ADAMTS18: variants seen among roughly 807,000 people sequenced by gnomAD.
ADAMTS18 encodes the protein ADAM metallopeptidase with thrombospondin type 1 motif 18.
ADAMTS18 carries 157 observed loss-of-function variants against 165.9 expected under a neutral mutation model. The ratio of observed to expected loss-of-function variants is 0.95; its 90% CI spans 0.83 to 1.08. The LOEUF (loss-of-function observed/expected upper bound fraction) is 1.08. Ranked by LOEUF, ADAMTS18 falls within the 50% of genes least tolerant of loss-of-function variation. ADAMTS18 has a pLI of 0.00. For synonymous variants in ADAMTS18, 782 were observed against 578.2 expected (o/e 1.35, Z -5.06); for missense variants, 2,040 against 1,534.0 (o/e 1.33, Z -5.51).
In ADAMTS18 at chr16:77,341,616, C is replaced by T. The variant is rs2056398615; in HGVS notation, c.1710+88G>A. On this transcript the variant is annotated intron_variant, in intron 11 of 22. Transcript: ENST00000282849. ...AGTCAGAGAATATAAACTACCAAAG[C>T]ATTCACCCTAAGGTCACAATACAAA... 3 of 1,024,738 alleles carry T rather than the reference C, an allele frequency of 2.9e-6. No individual in the cohort carries two copies. In the Admixed American group the frequency reaches 5.8e-5, roughly 20 times the overall value. The allele number at this position is 1,024,738 out of a possible 1,614,324, so 63.5% of individuals were successfully genotyped here.
chr16:77,293,137 C>A lies in ADAMTS18; in HGVS notation c.3128G>T (p.Cys1043Phe). Residue 1043 changes from cysteine (C) to phenylalanine (F), a missense_variant, in exon 20 of 23, where the codon TGT (cysteine) becomes TTT (phenylalanine). Transcript: ENST00000282849. The part of the protein sequence containing the change: ...SLPRPELQEG[C>F]VLGRCPKNSR... ...GTTCTTGGGGCATCGTCCAAGCACA[C>A]AGCCCTCCTGCAGCTCAGGTCTGGG... 6.2e-7 allele frequency: 1 copy of A among 1,614,092 alleles called. No individual in the cohort carries two copies. The highest frequency in any genetic ancestry group is 2.2e-5 in the East Asian group (1 of 44,866).
intron 20 of ADAMTS18, among the ~76,000 whole-genome samples, chr16:77,292,673 C>A (rs575476786): frequency 6.6e-6 from 1 of 152,306 alleles, no homozygotes; most frequent in African/African-American, 2.4e-5. Flanking sequence ...TAGGCTTGAT[C>A]AATGTGGGGG....
chr16:77,360,583 A>ACATCAG (rs1196478981), intron 7 of ADAMTS18, among the ~76,000 whole-genome samples: 1 of 151,868 alleles, frequency 6.6e-6, no homozygotes, highest in African/African-American at 2.4e-5. Flanking sequence ...TCTCTTGAAA[A>ACATCAG]CAATGCACTG....
intron 12 of ADAMTS18, among the ~76,000 whole-genome samples, chr16:77,328,015 G>A (rs1048208594): frequency 6.6e-6 from 1 of 152,118 alleles, no homozygotes; most frequent in Non-Finnish European, 1.5e-5. Flanking sequence ...GTTTTCATCA[G>A]CATAGTCACT....
intron 18 of ADAMTS18, among the ~76,000 whole-genome samples, 177 bp downstream of exon 18, chr16:77,297,112 G>T (rs2055488245): frequency 6.6e-6 from 1 of 152,120 alleles, no homozygotes. Context: ...AAGTAGCTAG[G>T]ACCACACACG....
intron 17 of ADAMTS18, 40 bp downstream of exon 17, chr16:77,300,223 G>A (rs933985855): frequency 6.2e-7 from 1 of 1,612,884 alleles, no homozygotes. Context: ...CCTGTTTTAA[G>A]AGAGACAGAC....
Position 77,378,364 on chromosome 16 carries a change from A to ACC in ADAMTS18, c.496-10643_496-10642dup, listed in dbSNP as rs1597197368. ...ACAAAAAAAAACAAAAAAAAAAAAAACCAAGCCCTTTACTTAGATGATTTT... is the reference window on the plus strand; with the variant it reads ...ACAAAAAAAAACAAAAAAAAAAAAAACCCCAAGCCCTTTACTTAGATGATTTT... On this transcript the variant is annotated intron_variant, in intron 3 of 22. Transcript: ENST00000282849. 3.4e-5 allele frequency among the ~76,000 whole-genome samples: 5 copies of ACC among 147,878 alleles called. No individual in the cohort carries two copies. In the East Asian group the frequency reaches 9.8e-4, roughly 29 times the overall value.
Position 77,293,170 on chromosome 16 carries a change from G to C in ADAMTS18, c.3095C>G (p.Thr1032Ser), listed in dbSNP as rs1023239338. ...CTGCAGCTCAGGTCTGGGGAGACTG[G>C]TACACTGGCTCTCGGGGAGGGTTTC... ...AAETLPESQC[T>S]SLPRPELQEG... is the part of the protein sequence containing the mutation. The change falls in exon 20 of 23, where the codon ACC becomes AGC. Residue 1032 changes from threonine (T) to serine (S), a missense_variant. Coordinates refer to ENST00000282849, the MANE Select transcript of ADAMTS18 (RefSeq NM_199355.4). The C allele has an allele frequency of 9.3e-6, 15 of 1,613,906 alleles. No individual in the cohort carries two copies. Among genetic ancestry groups the C allele is most frequent in the Admixed American group, 1.7e-5 (1 of 59,994 alleles).
intron 3 of ADAMTS18, among the ~76,000 whole-genome samples, chr16:77,368,715 T>G (rs533029468): frequency 6.6e-6 from 1 of 152,288 alleles, no homozygotes; most frequent in Admixed American, 6.5e-5. Context: ...CTGGCCCATC[T>G]TGATTCACAG....
At chr16:77,433,937 A>AAACAAGGG (rs1310787444) in intron 2 of ADAMTS18, among the ~76,000 whole-genome samples, 1 of 152,146 alleles carries the variant, frequency 6.6e-6, no homozygotes, top group Non-Finnish European at 1.5e-5. Flanking sequence ...GACATCCGTA[A>AAACAAGGG]AACAAGGGAA....
rs150077175 is a variant in ADAMTS18 at position 77,297,567 on chromosome 16, GC to G, written c.2675-153del. On this transcript the variant is annotated intron_variant, in intron 17 of 22. Transcript: ENST00000282849. ...GGAACGCTTCCTTTTGATGAAATTT[GC>G]AACTAATTTGAATTCCATTCCCCTC... The G allele has an allele frequency of 3.8e-3, 2,684 of 704,678 alleles. 68 individuals are homozygous for G. The African/African-American group carries it at 0.045, about 12-fold the overall frequency. 43.7% of individuals were successfully genotyped at this position (704,678 alleles called of 1,614,324 possible). A position where few individuals can be genotyped will look rare whatever the true frequency, so the allele number is the denominator to read the frequency against.
rs150595886 is a variant in ADAMTS18 at position 77,291,729 on chromosome 16, A to G, written c.3190-251T>C. 5.3e-4 allele frequency among the ~76,000 whole-genome samples: 81 copies of G among 152,330 alleles called. 1 individual carries two copies. The highest frequency in any genetic ancestry group is 9.3e-4 in the Non-Finnish European group (63 of 68,032). ...ACACAGATCATTAGCCTCATAAAGT[A>G]AAAAAGGAACCTTGGGATGCCACAT... On this transcript the variant is annotated intron_variant, in intron 20 of 22. Coordinates refer to ENST00000282849, the MANE Select transcript of ADAMTS18 (RefSeq NM_199355.4).
Position 77,283,896 on chromosome 16 carries a change from G to C in ADAMTS18, c.*60C>G. 1 of 1,319,434 alleles carries C rather than the reference G, an allele frequency of 7.6e-7. No homozygotes were observed. The highest frequency in any genetic ancestry group is 1.1e-6 in the Non-Finnish European group (1 of 913,218). 81.7% of individuals were successfully genotyped at this position (1,319,434 alleles called of 1,614,324 possible). ...CAGCTCCTGGTCTCAAAGGCAGCTG[G>C]TCTCTCTAGAGGTTGAAAGGTAAGC... On this transcript the variant is annotated 3_prime_UTR_variant, in exon 23 of 23. Coordinates refer to ENST00000282849, the MANE Select transcript of ADAMTS18 (RefSeq NM_199355.4).
intron 16 of ADAMTS18, among the ~76,000 whole-genome samples, chr16:77,317,419 T>C (rs1312213871): frequency 6.6e-6 from 1 of 152,108 alleles, no homozygotes; most frequent in East Asian, 1.9e-4. Flanking sequence ...CTGCAACCTG[T>C]GCCTCCCAGG....
chr16:77,283,858 G>T lies in ADAMTS18; in HGVS notation c.*98C>A. 2 of 926,390 alleles carry T rather than the reference G, an allele frequency of 2.2e-6. No individual in the cohort carries two copies. Among genetic ancestry groups the T allele is most frequent in the South Asian group, 2.7e-5 (2 of 75,026 alleles). 57.4% of individuals were successfully genotyped at this position (926,390 alleles called of 1,614,324 possible). The stretch of plus-strand genomic sequence containing the variant: ...TTCATCACAGCGGCAGCTCACAGAT[G>T]GTTCTCGGTGCTCAGCTCCTGGTCT... On this transcript the variant is annotated 3_prime_UTR_variant, in exon 23 of 23. Transcript: ENST00000282849.
At chr16:77,317,919 C>G (rs975265428) in intron 16 of ADAMTS18, among the ~76,000 whole-genome samples, 2 of 152,176 alleles carry the variant, frequency 1.3e-5, no homozygotes, top group East Asian at 3.9e-4. Context: ...TGAAAAATTG[C>G]CTTATTCATC....
intron 3 of ADAMTS18, among the ~76,000 whole-genome samples, chr16:77,409,922 C>CGT (rs1359847684): frequency 2.6e-5 from 4 of 151,984 alleles, no homozygotes; most frequent in African/African-American, 7.3e-5. Flanking sequence ...CTAATATTAC[C>CGT]GTACTAGAAT....
chr16:77,314,769 TATATATATATATATATAAAA>T lies in ADAMTS18; in HGVS notation c.2532+5060_2532+5079del, dbSNP rs2055854084. ...CTCAGGTTTCATATATATATATATA[TATATATATATATATATAAAA>T]TATATGTGATATGCTCAGAAGGCAA... is the stretch of plus-strand genomic sequence containing the variant. On this transcript the variant is annotated intron_variant, in intron 16 of 22. Transcript: ENST00000282849. Among the ~76,000 whole-genome samples, 3 of 88,562 alleles carry T rather than the reference TATATATATATATATATAAAA, an allele frequency of 3.4e-5. 1 individual carries two copies. In the Admixed American group the frequency reaches 3.4e-4, roughly 10 times the overall value. 58.1% of individuals were successfully genotyped at this position (88,562 alleles called of 152,430 possible). A position where few individuals can be genotyped will look rare whatever the true frequency, so the allele number is the denominator to read the frequency against.
At position 77,359,298 on chromosome 16, in the gene ADAMTS18, T is replaced by A. The variant is rs1165900562; in HGVS notation, c.1322+20A>T. 2 of 1,601,484 alleles carry A rather than the reference T, an allele frequency of 1.2e-6. No homozygotes were observed. The highest frequency in any genetic ancestry group is 1.7e-6 in the Non-Finnish European group (2 of 1,170,264). ...CCCAACTAGTTTTCACATAAAGTAG[T>A]GGTTCAAAGAGGCACTTACTTGTGC... On this transcript the variant is annotated intron_variant, in intron 8 of 22. Coordinates refer to ENST00000282849, the MANE Select transcript of ADAMTS18 (RefSeq NM_199355.4).
Sources: gnomAD v4.1 joint callset for allele counts (sites outside exome capture counted in the v4.1 genomes callset) on GRCh38, gnomAD v4.1.1 for gene constraint, MANE v1.5 for transcripts, NCBI Gene and HGNC (gene_info 2026-07-23, HGNC 2026-07-21) for gene names.